Variants in GATAD2B observed in about 807,000 individuals in gnomAD.
The protein encoded by GATAD2B is GATA zinc finger domain containing 2B, also known as transcriptional repressor p66-beta.
A neutral mutation model predicts 64.3 loss-of-function variants in GATAD2B; 8 were observed. The ratio of observed to expected loss-of-function variants is 0.12; its 90% CI spans 0.07 to 0.22. The LOEUF is 0.22. GATAD2B is among the 10% of genes least tolerant of loss of function. The pLI, the probability that GATAD2B is intolerant of heterozygous loss-of-function variation, is 1.00. For synonymous variants in GATAD2B, 281 were observed against 271.3 expected (o/e 1.04, Z -0.35); for missense variants, 453 against 752.0 (o/e 0.60, Z 4.65).
intron 1 of GATAD2B, among the ~76,000 whole-genome samples, chr1:153,884,473 G>A (rs889846762): frequency 6.6e-5 from 10 of 151,806 alleles, no homozygotes; most frequent in African/African-American, 2.4e-4. Context: ...ATGGTGGCAG[G>A]TGCCTGTAAT....
intron 1 of GATAD2B, among the ~76,000 whole-genome samples, chr1:153,830,299 C>T (rs190646614): frequency 2.4e-4 from 37 of 151,632 alleles, no homozygotes; most frequent in Admixed American, 1.3e-3. Context: ...GGGTGTGTGC[C>T]ACCACGTCCA....
intron 1 of GATAD2B, among the ~76,000 whole-genome samples, chr1:153,882,747 C>G (rs185263084): frequency 6.6e-6 from 1 of 151,190 alleles, no homozygotes; most frequent in Admixed American, 6.6e-5. Flanking sequence ...ACACACATCC[C>G]TATGTCATTC....
intron 7 of GATAD2B, 40 bp from the exon 8 acceptor site, chr1:153,813,492 T>C: frequency 1.5e-6 from 2 of 1,342,654 alleles, no homozygotes; most frequent in Admixed American, 1.7e-5. Flanking sequence ...TTACATTTCC[T>C]ATCTCCTCTG....
rs561576810 is a variant in GATAD2B, at chr1:153,854,855, C to T, written c.-1-26507G>A. Among the ~76,000 whole-genome samples, 10 of 152,290 alleles carry T rather than the reference C, an allele frequency of 6.6e-5. No individual in the cohort carries two copies. The East Asian group carries it at 1.7e-3, about 26-fold the overall frequency. On this transcript the variant is annotated intron_variant, in intron 1 of 10. Transcript: ENST00000368655. ...ACCTTACCGTAGGGATCAAACTTTT[C>T]ACTGCAGGCATTGAGACAATTAACA...
At chr1:153,819,457 C>A in intron 3 of GATAD2B, 149 bp downstream of exon 3, 1 of 559,680 alleles carries the variant, frequency 1.8e-6, no homozygotes, top group Non-Finnish European at 3.1e-6. Flanking sequence ...TTTTGAAAGC[C>A]CTTGAAGTCA....
chr1:153,897,075 C>A (rs891210815), intron 1 of GATAD2B, among the ~76,000 whole-genome samples: 1 of 149,676 alleles, frequency 6.7e-6, no homozygotes, highest in South Asian at 2.1e-4. Context: ...GTCGCCCAGG[C>A]TGGAGTGCAG....
rs1048116337 is a variant in GATAD2B at position 153,812,200 on chromosome 1, T to G, written c.1420-68A>C. The G allele has an allele frequency of 3.8e-4, 343 of 893,834 alleles. 3 individuals carry two copies. The highest frequency in any genetic ancestry group is 5.5e-4 in the Non-Finnish European group (312 of 562,512). The allele number at this position is 893,834 out of a possible 1,614,324, so 55.4% of individuals were successfully genotyped here. A position where few individuals can be genotyped will look rare whatever the true frequency, so the allele number is the denominator to read the frequency against. On this transcript the variant is annotated intron_variant, in intron 8 of 10. Transcript: ENST00000368655. ...CCAATACCCAATTTCCTTTTTTTTT[T>G]TTTTTTTTAAACAGAGACACAATCT...
At chr1:153,908,146 A>ACACT (rs372594667) in intron 1 of GATAD2B, among the ~76,000 whole-genome samples, 1 of 152,092 alleles carries the variant, frequency 6.6e-6, no homozygotes, top group African/African-American at 2.4e-5. Flanking sequence ...ACACAAACAC[A>ACACT]CACTCACGCA....
At chr1:153,895,601 A>T (rs917453208) in intron 1 of GATAD2B, among the ~76,000 whole-genome samples, 9 of 152,248 alleles carry the variant, frequency 5.9e-5, no homozygotes, top group Non-Finnish European at 1.0e-4. Flanking sequence ...AAAATAAAAA[A>T]AAAAGAAGAA....
At chr1:153,830,665 C>T (rs376712143) in intron 1 of GATAD2B, among the ~76,000 whole-genome samples, 4 of 150,316 alleles carry the variant, frequency 2.7e-5, no homozygotes, top group Admixed American at 6.6e-5. Flanking sequence ...TTAGTAGAGA[C>T]GGGGTTTCAC....
Position 153,841,686 on chromosome 1 carries a change from T to A in GATAD2B, c.-1-13338A>T, listed in dbSNP as rs187020379. On this transcript the variant is annotated intron_variant, in intron 1 of 10. Coordinates refer to ENST00000368655, the MANE Select transcript of GATAD2B (RefSeq NM_020699.4). Reference sequence around the variant, plus strand: ...ATGGTATGGATGTACCATGGTTTATTTACTCACTGAAGGACATCTGAGTTG... The same window carrying A: ...ATGGTATGGATGTACCATGGTTTATATACTCACTGAAGGACATCTGAGTTG... 7.7e-4 allele frequency among the ~76,000 whole-genome samples: 118 copies of A among 152,328 alleles called. 1 individual carries two copies. The highest frequency in any genetic ancestry group is 2.6e-3 in the African/African-American group (109 of 41,580).
intron 1 of GATAD2B, among the ~76,000 whole-genome samples, chr1:153,834,483 G>T (rs1009634926): frequency 6.6e-5 from 10 of 151,908 alleles, no homozygotes; most frequent in Non-Finnish European, 1.5e-4. Flanking sequence ...CCACCTTCCA[G>T]GTTCAAGCAA....
chr1:153,867,457 T>A (rs1173116055), intron 1 of GATAD2B, among the ~76,000 whole-genome samples: 1 of 151,772 alleles, frequency 6.6e-6, no homozygotes, highest in Non-Finnish European at 1.5e-5. Context: ...CACAGTGAGC[T>A]ATGATTGCAC....
chr1:153,830,007 A>T (rs1675019464), intron 1 of GATAD2B, among the ~76,000 whole-genome samples: 1 of 151,612 alleles, frequency 6.6e-6, no homozygotes, highest in Non-Finnish European at 1.5e-5. Context: ...GAGGCATGAG[A>T]ATCACTTGAA....
chr1:153,902,432 A>G (rs1677807135), intron 1 of GATAD2B, among the ~76,000 whole-genome samples: 1 of 152,154 alleles, frequency 6.6e-6, no homozygotes, highest in Non-Finnish European at 1.5e-5. Context: ...ATTTACAAAC[A>G]TATTATACCT....
chr1:153,867,765 C>G (rs1232616337), intron 1 of GATAD2B, among the ~76,000 whole-genome samples: 1 of 151,970 alleles, frequency 6.6e-6, no homozygotes, highest in East Asian at 1.9e-4. Flanking sequence ...GAGGCTGAGG[C>G]AGGAGAATTG....
At chr1:153,844,173 T>C (rs1333177322) in intron 1 of GATAD2B, among the ~76,000 whole-genome samples, 1 of 151,880 alleles carries the variant, frequency 6.6e-6, no homozygotes, top group Non-Finnish European at 1.5e-5. Context: ...ATCAGAGTGC[T>C]GATCAGCACA....
intron 1 of GATAD2B, among the ~76,000 whole-genome samples, chr1:153,922,498 G>A (rs1208437211): frequency 6.8e-6 from 1 of 147,542 alleles, no homozygotes; most frequent in Non-Finnish European, 1.5e-5. Flanking sequence ...AGAGGATGAG[G>A]TGAAGAAGGA....
intron 1 of GATAD2B, among the ~76,000 whole-genome samples, chr1:153,877,094 G>A (rs940060231): frequency 3.9e-5 from 6 of 152,166 alleles, no homozygotes; most frequent in Admixed American, 3.3e-4. Flanking sequence ...CAGCACTTTG[G>A]GGGGCTAAGG....
Sources: gnomAD v4.1 joint callset for allele counts (sites outside exome capture counted in the v4.1 genomes callset) on GRCh38, gnomAD v4.1.1 for gene constraint, MANE v1.5 for transcripts, NCBI Gene and HGNC (gene_info 2026-07-23, HGNC 2026-07-21) for gene names.